NCAM2: variants seen among roughly 807,000 people sequenced by gnomAD.
NCAM2 encodes N-CAM-2.
Under a neutral mutation model 98.1 loss-of-function variants are expected in NCAM2, and 30 were observed. The observed-to-expected ratio is 0.31, with a 90% confidence interval of 0.23 to 0.41. The LOEUF (loss-of-function observed/expected upper bound fraction) is 0.41. NCAM2 is among the 10% of genes least tolerant of loss of function. The probability of loss-of-function intolerance (pLI) is 1.00; values close to 1 mark genes in which losing one functional copy is unlikely to be tolerated. For missense variants in NCAM2, 867 were observed against 1,005.8 expected, an observed-to-expected ratio of 0.86 and a Z score of 1.87; for synonymous variants, 368 against 342.4, an observed-to-expected ratio of 1.07 and a Z score of -0.83.
In NCAM2 at chr21:21,321,019, G is replaced by T. The variant is rs116062139; in HGVS notation, c.620-3364G>T. On this transcript the variant is annotated intron_variant, in intron 5 of 17. Transcript: ENST00000400546. ...CTAATTTGCTTTTCATGCAGACTGA[G>T]AATATAAATAGAGAATGTTAGAACT... Among the ~76,000 whole-genome samples, 566 of 152,250 alleles carry T rather than the reference G, an allele frequency of 3.7e-3. 4 individuals carry two copies. The highest frequency in any genetic ancestry group is 0.012 in the African/African-American group (508 of 41,568).
At chr21:21,479,865 T>C (rs1051266938) in intron 15 of NCAM2, among the ~76,000 whole-genome samples, 2 of 152,050 alleles carry the variant, frequency 1.3e-5, no homozygotes, top group African/African-American at 4.8e-5. Flanking sequence ...AAAATAACTG[T>C]TTCCTCATCT....
chr21:21,526,483 T>C (rs1246304910), intron 16 of NCAM2, among the ~76,000 whole-genome samples: 1 of 152,064 alleles, frequency 6.6e-6, no homozygotes, highest in East Asian at 1.9e-4. Flanking sequence ...AAAAGAAGAA[T>C]GAAATAAATG....
intron 9 of NCAM2, among the ~76,000 whole-genome samples, chr21:21,384,148 A>C (rs965080404): frequency 6.6e-6 from 1 of 152,028 alleles, no homozygotes; most frequent in African/African-American, 2.4e-5. Context: ...TTAAAGTCTT[A>C]AATAGTATCC....
intron 9 of NCAM2, among the ~76,000 whole-genome samples, chr21:21,377,559 G>A (rs2076061041): frequency 6.6e-6 from 1 of 151,788 alleles, no homozygotes; most frequent in South Asian, 2.1e-4. Context: ...TTTATCATTA[G>A]TATTATTTTT....
intron 1 of NCAM2, among the ~76,000 whole-genome samples, chr21:21,018,517 A>G (rs1449536912): frequency 6.6e-6 from 1 of 152,242 alleles, no homozygotes; most frequent in Non-Finnish European, 1.5e-5. Context: ...CAAATTTAAC[A>G]TATTTGTAAT....
intron 9 of NCAM2, among the ~76,000 whole-genome samples, chr21:21,382,470 G>A (rs1244645469): frequency 2.7e-5 from 4 of 149,150 alleles, no homozygotes; most frequent in East Asian, 2.0e-4. Flanking sequence ...CCATCATCTC[G>A]TTTCTGCTGG....
intron 7 of NCAM2, 102 bp from the exon 8 acceptor site, chr21:21,338,287 A>T: frequency 9.2e-7 from 1 of 1,089,122 alleles, no homozygotes; most frequent in Non-Finnish European, 1.3e-6. Flanking sequence ...AGCTAATAAT[A>T]TCATACTATA....
At position 21,327,333 on chromosome 21, in the gene NCAM2, T is replaced by G. The variant is rs560747753; in HGVS notation, c.737+2833T>G. On this transcript the variant is annotated intron_variant, in intron 6 of 17. Transcript: ENST00000400546. ...AAAAAAAAAAAAAAAAAAAAAAATTTCTTTTCCCATATTTCTGGACACTAG... is the reference window on the plus strand; with the variant it reads ...AAAAAAAAAAAAAAAAAAAAAAATTGCTTTTCCCATATTTCTGGACACTAG... 8.1e-4 allele frequency among the ~76,000 whole-genome samples: 115 copies of G among 142,570 alleles called. 1 individual carries two copies. The South Asian group carries it at 0.022, about 27-fold the overall frequency. 93.5% of individuals were successfully genotyped at this position (142,570 alleles called of 152,430 possible). A position where few individuals can be genotyped will look rare whatever the true frequency, so the allele number is the denominator to read the frequency against.
chr21:21,417,500 C>G (rs961865115), intron 10 of NCAM2, among the ~76,000 whole-genome samples: 2 of 151,986 alleles, frequency 1.3e-5, no homozygotes, highest in East Asian at 3.9e-4. Flanking sequence ...ACTACAAAAT[C>G]ATTTTTCCCT....
chr21:21,490,626 T>A (rs933956851), intron 15 of NCAM2, among the ~76,000 whole-genome samples: 9 of 151,736 alleles, frequency 5.9e-5, no homozygotes, highest in African/African-American at 2.2e-4. Context: ...CTAGTCTTAT[T>A]TTTTTTCCTA....
At chr21:21,227,100 T>A (rs1241010807) in intron 1 of NCAM2, among the ~76,000 whole-genome samples, 1 of 151,972 alleles carries the variant, frequency 6.6e-6, no homozygotes, top group Non-Finnish European at 1.5e-5. Context: ...AAGACAATGT[T>A]ACTGCAAACA....
chr21:21,005,832 G>T (rs2064102243), intron 1 of NCAM2, among the ~76,000 whole-genome samples: 1 of 150,536 alleles, frequency 6.6e-6, no homozygotes. Context: ...CCTAAAAACT[G>T]ACATGAAAAA....
chr21:21,439,647 A>C (rs1375394615), intron 12 of NCAM2, among the ~76,000 whole-genome samples: 1 of 152,212 alleles, frequency 6.6e-6, no homozygotes, highest in African/African-American at 2.4e-5. Flanking sequence ...AAAGGCCTGA[A>C]TTAAAATATA....
chr21:21,336,531 G>A (rs142758325), intron 7 of NCAM2, among the ~76,000 whole-genome samples: 19 of 151,916 alleles, frequency 1.3e-4, no homozygotes, highest in African/African-American at 3.9e-4. Flanking sequence ...TAACCTGCAC[G>A]TTGTGCACAT....
intron 5 of NCAM2, among the ~76,000 whole-genome samples, chr21:21,314,955 A>G (rs1323886173): frequency 6.6e-6 from 1 of 152,214 alleles, no homozygotes; most frequent in Non-Finnish European, 1.5e-5. Flanking sequence ...TGGCATTTCC[A>G]ATGACATGAT....
rs1458716925 is a variant in NCAM2 at position 21,273,852 on chromosome 21, G to A, written c.56-6726G>A. 2.6e-5 allele frequency among the ~76,000 whole-genome samples: 4 copies of A among 152,110 alleles called. No homozygotes were observed. The South Asian group carries it at 8.3e-4, about 31-fold the overall frequency. On this transcript the variant is annotated intron_variant, in intron 1 of 17. Transcript: ENST00000400546. ...GAGTGTGCATAGCTTGACAGGAAAAGTGCTATAGAAAAAGAATCACTAAGA... is the reference window on the plus strand; with the variant it reads ...GAGTGTGCATAGCTTGACAGGAAAAATGCTATAGAAAAAGAATCACTAAGA...
chr21:21,138,678 C>A (rs185760851), intron 1 of NCAM2, among the ~76,000 whole-genome samples: 31 of 152,176 alleles, frequency 2.0e-4, no homozygotes, highest in Admixed American at 4.6e-4. Context: ...CTGATTTTAG[C>A]AGTGACATAT....
intron 1 of NCAM2, among the ~76,000 whole-genome samples, chr21:21,108,948 G>A (rs900101815): frequency 6.6e-6 from 1 of 152,066 alleles, no homozygotes; most frequent in African/African-American, 2.4e-5. Flanking sequence ...CTGTGGGCAG[G>A]AGTCCATATT....
intron 11 of NCAM2, among the ~76,000 whole-genome samples, chr21:21,422,203 A>G (rs2077124837): frequency 1.3e-5 from 2 of 152,182 alleles, no homozygotes; most frequent in Admixed American, 1.3e-4. Context: ...AAGTGAAACA[A>G]CTCAAAAACA....
Sources: gnomAD v4.1 joint callset for allele counts (sites outside exome capture counted in the v4.1 genomes callset) on GRCh38, gnomAD v4.1.1 for gene constraint, MANE v1.5 for transcripts, NCBI Gene and HGNC (gene_info 2026-07-23, HGNC 2026-07-21) for gene names.